The following RPTOR variants were observed in gnomAD, a reference collection of about 807,000 sequenced individuals.
RPTOR encodes regulatory-associated protein of mTOR.
RPTOR carries 21 observed loss-of-function variants against 169.9 expected under a neutral mutation model. The observed-to-expected ratio is 0.12, with a 90% confidence interval of 0.09 to 0.18. The LOEUF is 0.18. RPTOR is among the 10% of genes least tolerant of loss of function. The pLI is 1.00. For missense variants in RPTOR, 1,133 were observed against 1,855.9 expected, an observed-to-expected ratio of 0.61 and a Z score of 7.16; for synonymous variants, 732 against 753.2, an observed-to-expected ratio of 0.97 and a Z score of 0.46.
At chr17:80,709,477 T>C (rs926985942) in intron 4 of RPTOR, among the ~76,000 whole-genome samples, 3 of 152,218 alleles carry the variant, frequency 2.0e-5, no homozygotes, top group African/African-American at 7.2e-5. Context: ...GCTGGCGCGC[T>C]CTTCCGCAGT....
At chr17:80,778,949 A>G (rs2066914789) in intron 6 of RPTOR, among the ~76,000 whole-genome samples, 2 of 152,182 alleles carry the variant, frequency 1.3e-5, no homozygotes, top group African/African-American at 2.4e-5. Flanking sequence ...GGAACCAAAC[A>G]TCTGTGTGCT....
At chr17:80,711,668 T>G (rs1438732102) in intron 4 of RPTOR, among the ~76,000 whole-genome samples, 1 of 151,884 alleles carries the variant, frequency 6.6e-6, no homozygotes, top group East Asian at 1.9e-4. Flanking sequence ...GTTATGACAT[T>G]GACTTTTTAA....
intron 3 of RPTOR, among the ~76,000 whole-genome samples, chr17:80,692,256 T>C (rs1256828521): frequency 6.6e-6 from 1 of 151,858 alleles, no homozygotes; most frequent in African/African-American, 2.4e-5. Flanking sequence ...AGACTATAGG[T>C]GCACGCCACC....
chr17:80,932,817 G>A (rs753004862), intron 24 of RPTOR, among the ~76,000 whole-genome samples: 5 of 152,146 alleles, frequency 3.3e-5, no homozygotes, highest in Admixed American at 2.0e-4. Flanking sequence ...ACACATGCAC[G>A]TGCACACACA....
rs184055618 is a variant in RPTOR at position 80,937,874 on chromosome 17, C to T, written c.2920-2622C>T. Reference sequence around the variant, plus strand: ...ATCCACCGCTCTCCCTCCTGCCTCACGCCGCACCTCCACTTCTGCCCATGC... The same window carrying T: ...ATCCACCGCTCTCCCTCCTGCCTCATGCCGCACCTCCACTTCTGCCCATGC... On this transcript the variant is annotated intron_variant, in intron 24 of 33. Coordinates refer to ENST00000306801, the MANE Select transcript of RPTOR (RefSeq NM_020761.3). 3.5e-4 allele frequency among the ~76,000 whole-genome samples: 54 copies of T among 152,374 alleles called. No individual in the cohort carries two copies. The East Asian group carries it at 8.3e-3, about 23-fold the overall frequency.
chr17:80,883,619 C>T (rs1052196500), intron 15 of RPTOR, 135 bp downstream of exon 15: 6 of 1,174,470 alleles, frequency 5.1e-6, no homozygotes, highest in Non-Finnish European at 7.5e-6. Flanking sequence ...TCTAGCCAGC[C>T]ATTTGCAGGC....
chr17:80,867,151 CAA>C (rs2068001994), intron 13 of RPTOR, among the ~76,000 whole-genome samples: 1 of 151,908 alleles, frequency 6.6e-6, no homozygotes, highest in Admixed American at 6.6e-5. Context: ...TATTTAAAAA[CAA>C]AACATGATCT....
intron 1 of RPTOR, among the ~76,000 whole-genome samples, chr17:80,595,478 T>TG (rs2065138218): frequency 6.6e-6 from 1 of 152,140 alleles, no homozygotes; most frequent in Non-Finnish European, 1.5e-5. Flanking sequence ...CCCCCTTAGA[T>TG]GGGGTCTCGC....
At chr17:80,763,884 A>T (rs890160495) in intron 6 of RPTOR, among the ~76,000 whole-genome samples, 19 of 152,076 alleles carry the variant, frequency 1.2e-4, no homozygotes, top group Non-Finnish European at 1.9e-4. Context: ...TTTTTTTTAC[A>T]TGTACACACT....
rs1318004996 is a variant in RPTOR, at chr17:80,562,192, G to A, written c.162+16401G>A. Among the ~76,000 whole-genome samples the A allele has an allele frequency of 6.6e-6, 1 of 152,146 alleles. No individual in the cohort carries two copies. The highest frequency in any genetic ancestry group is 2.4e-5 in the African/African-American group (1 of 41,416). On this transcript the variant is annotated intron_variant, in intron 1 of 33. Transcript: ENST00000306801. The surrounding 1 kb of genome is among the most constrained non-coding windows in gnomAD (Gnocchi z 4.4). ...GCTTGGGTGCAGGAGGATGCAGGGTGACACGCAGCCTCCTAACTGGATGTA... is the reference window on the plus strand; with the variant it reads ...GCTTGGGTGCAGGAGGATGCAGGGTAACACGCAGCCTCCTAACTGGATGTA...
chr17:80,682,336 A>G (rs951203098), intron 3 of RPTOR, among the ~76,000 whole-genome samples: 2 of 151,924 alleles, frequency 1.3e-5, no homozygotes, highest in African/African-American at 4.8e-5. Context: ...GAACTCCTGG[A>G]CTCAAGCCAT....
chr17:80,813,065 C>CT (rs1303265936), intron 7 of RPTOR, among the ~76,000 whole-genome samples: 30 of 152,216 alleles, frequency 2.0e-4, no homozygotes. Flanking sequence ...GCTCCTCTAC[C>CT]TTTAAGTTGC....
intron 6 of RPTOR, among the ~76,000 whole-genome samples, chr17:80,782,956 G>A (rs1292993681): frequency 1.3e-5 from 2 of 152,212 alleles, no homozygotes; most frequent in Non-Finnish European, 2.9e-5. Flanking sequence ...CTCCTCCAGG[G>A]CAAGGCACAC....
intron 7 of RPTOR, among the ~76,000 whole-genome samples, chr17:80,797,838 C>T (rs1344633308): frequency 1.3e-5 from 2 of 152,200 alleles, no homozygotes; most frequent in Non-Finnish European, 2.9e-5. Flanking sequence ...CTCAGGGCCC[C>T]TTTTTCCCAC....
chr17:80,833,536 G>C (rs1393029111), intron 9 of RPTOR, among the ~76,000 whole-genome samples: 1 of 152,204 alleles, frequency 6.6e-6, no homozygotes, highest in African/African-American at 2.4e-5. Context: ...CACCACCATG[G>C]CCTCTCGTGT....
chr17:80,669,047 C>T (rs75513578), intron 3 of RPTOR, among the ~76,000 whole-genome samples: 37 of 152,308 alleles, frequency 2.4e-4, no homozygotes, highest in East Asian at 2.1e-3. Context: ...GGGCTTTGCT[C>T]GGGGACACGC....
intron 28 of RPTOR, among the ~76,000 whole-genome samples, chr17:80,953,384 C>T (rs2069207278): frequency 6.6e-6 from 1 of 152,256 alleles, no homozygotes; most frequent in Non-Finnish European, 1.5e-5. Flanking sequence ...AGTCCTCCTA[C>T]CTCAGCCTCC....
At chr17:80,958,083 T>C (rs953057768) in intron 29 of RPTOR, among the ~76,000 whole-genome samples, 3 of 151,928 alleles carry the variant, frequency 2.0e-5, no homozygotes, top group Non-Finnish European at 4.4e-5. Context: ...TTTTTTTTTT[T>C]CTTTTGAGAT....
At chr17:80,956,640 G>T (rs1027606601) in intron 28 of RPTOR, among the ~76,000 whole-genome samples, 1 of 152,260 alleles carries the variant, frequency 6.6e-6, no homozygotes, top group African/African-American at 2.4e-5. Flanking sequence ...GTTCTGCCCA[G>T]GCGTCCAGAC....
Sources: gnomAD v4.1 joint callset for allele counts (sites outside exome capture counted in the v4.1 genomes callset) on GRCh38, gnomAD v4.1.1 for gene constraint, Gnocchi (gnomAD v3.1) non-coding constraint, MANE v1.5 for transcripts, NCBI Gene and HGNC (gene_info 2026-07-23, HGNC 2026-07-21) for gene names.